The following SLC15A2 variants were observed in gnomAD, a reference collection of about 807,000 sequenced individuals.
SLC15A2 encodes the protein solute carrier family 15 member 2, also known as kidney H(+)/peptide cotransporter.
A neutral mutation model predicts 95.5 loss-of-function variants in SLC15A2; 77 were observed. The observed-to-expected ratio is 0.81, with a 90% CI of 0.67 to 0.97. The LOEUF (loss-of-function observed/expected upper bound fraction) is 0.97, where lower values mean the gene tolerates loss of function less well. SLC15A2 is among the 50% of genes least tolerant of loss of function. SLC15A2 has a pLI of 0.00. For synonymous variants in SLC15A2, 306 were observed against 306.9 expected (o/e 1.00, Z 0.03); for missense variants, 893 against 874.4 (o/e 1.02, Z -0.27).
intron 18 of SLC15A2, 123 bp from the exon 19 acceptor site, chr3:121,931,516 G>T: frequency 1.7e-6 from 1 of 581,686 alleles, no homozygotes; most frequent in Non-Finnish European, 3.1e-6. Context: ...TCTCTTCAAA[G>T]ATAATTAGTG....
chr3:121,930,770 A>G, intron 17 of SLC15A2, 70 bp from the exon 18 acceptor site: 1 of 977,468 alleles, frequency 1.0e-6, no homozygotes, highest in Non-Finnish European at 1.6e-6. Flanking sequence ...CCCAAAACAT[A>G]AAAGGCCCCT....
At chr3:121,908,451 C>T (rs1179579565) in intron 3 of SLC15A2, among the ~76,000 whole-genome samples, 1 of 152,182 alleles carries the variant, frequency 6.6e-6, no homozygotes, top group Non-Finnish European at 1.5e-5. Context: ...CAGAAATCAC[C>T]ATCTTCTGCA....
At chr3:121,896,374 C>G (rs768592267) in intron 1 of SLC15A2, 32 bp from the exon 2 acceptor site, 37 of 1,530,328 alleles carry the variant, frequency 2.4e-5, no homozygotes, top group East Asian at 4.5e-5. Context: ...AAAAACAGCT[C>G]ATGCTTGAAT....
intron 3 of SLC15A2, among the ~76,000 whole-genome samples, chr3:121,897,872 CT>C (rs1171916516): frequency 6.6e-6 from 1 of 152,126 alleles, no homozygotes; most frequent in Admixed American, 6.5e-5. Flanking sequence ...CAGCAAATTT[CT>C]AATTTTAGCC....
chr3:121,939,280 G>C, intron 19 of SLC15A2, 69 bp from the exon 20 acceptor site: 1 of 1,215,526 alleles, frequency 8.2e-7, no homozygotes, highest in South Asian at 2.2e-5. Flanking sequence ...TAAGATCGTA[G>C]AATGCTGTAG....
chr3:121,940,410 C>G lies in SLC15A2; in HGVS notation c.1935C>G (p.Leu645=). 6.2e-7 allele frequency: 1 copy of G among 1,614,018 alleles called. No individual in the cohort carries two copies. The highest frequency in any genetic ancestry group is 8.5e-7 in the Non-Finnish European group (1 of 1,179,974). ...CTCCCTCTAGCATGAAATCTGTGCT[C>G]CAGGCAGCTTGGCTATTGACAATTG... The part of the protein sequence containing the change: ...SQAPSSMKSV[L]QAAWLLTIAV... The change falls in exon 21 of 22, where the codon CTC becomes CTG. Residue 645 remains leucine, a synonymous_variant. Transcript: ENST00000489711.
At chr3:121,913,942 TC>T (rs1327467756) in intron 5 of SLC15A2, among the ~76,000 whole-genome samples, 2 of 147,516 alleles carry the variant, frequency 1.4e-5, no homozygotes, top group Admixed American at 6.7e-5. Flanking sequence ...TTTCTCTCTC[TC>T]CCCCCCACCT....
At chr3:121,895,795 G>A (rs1576665183) in intron 1 of SLC15A2, among the ~76,000 whole-genome samples, 1 of 152,320 alleles carries the variant, frequency 6.6e-6, no homozygotes, top group East Asian at 1.9e-4. Flanking sequence ...TTAGTAGGAA[G>A]AGTAGACATT....
At chr3:121,931,815 CA>C (rs1288957433) in intron 19 of SLC15A2, 80 bp downstream of exon 19, 1 of 805,144 alleles carries the variant, frequency 1.2e-6, no homozygotes, top group African/African-American at 1.7e-5. Context: ...GGGCAGAAAA[CA>C]AAAGAGAAGA....
At position 121,909,811 on chromosome 3, in the gene SLC15A2, A is replaced by AT. The variant is rs35943712; in HGVS notation, c.336-1752dup. 2.2e-3 allele frequency among the ~76,000 whole-genome samples: 324 copies of AT among 149,612 alleles called. 1 individual carries two copies. The highest frequency in any genetic ancestry group is 5.5e-3 in the South Asian group (26 of 4,716). ...ATAAACTTTCTTAAAACATTATTAGATTTTTTTTTTTAGCTCACCAATTAT... is the reference window on the plus strand; with the variant it reads ...ATAAACTTTCTTAAAACATTATTAGATTTTTTTTTTTTAGCTCACCAATTAT... On this transcript the variant is annotated intron_variant, in intron 3 of 21. Transcript: ENST00000489711.
chr3:121,904,410 G>A lies in SLC15A2; in HGVS notation c.335+6881G>A, dbSNP rs555960526. ...ATGTTGAATAGAAGTGGTGAGAGAG[G>A]GCATCCCTGTCTTGTACCAGTTTTC... On this transcript the variant is annotated intron_variant, in intron 3 of 21. Coordinates refer to ENST00000489711, the MANE Select transcript of SLC15A2 (RefSeq NM_021082.4). Among the ~76,000 whole-genome samples the A allele has an allele frequency of 7.0e-4, 106 of 152,208 alleles. 2 individuals carry two copies. In the South Asian group the frequency reaches 0.021, roughly 31 times the overall value.
At chr3:121,922,667 G>A (rs145439882) in intron 8 of SLC15A2, 108 bp from the exon 9 acceptor site, 127 of 670,140 alleles carry the variant, frequency 1.9e-4, no homozygotes, top group African/African-American at 1.8e-3. Flanking sequence ...TCAAAGAGTT[G>A]GAATAAGTCA....
chr3:121,934,112 A>G (rs1710288759), intron 19 of SLC15A2, among the ~76,000 whole-genome samples: 2 of 152,024 alleles, frequency 1.3e-5, no homozygotes, highest in Admixed American at 6.6e-5. Flanking sequence ...GTTCTGTTCC[A>G]TTGATCTATA....
chr3:121,923,257 T>C lies in SLC15A2; in HGVS notation c.993T>C (p.Asn331=). The change falls in exon 11 of 22, where the codon AAT becomes AAC. Residue 331 remains asparagine, a synonymous_variant. Coordinates refer to ENST00000489711, the MANE Select transcript of SLC15A2 (RefSeq NM_021082.4). ...SRWTLQAIRM[N]RNLGFFVLQP... Reference sequence around the variant, plus strand: ...GGACTTTGCAAGCCATCAGGATGAATAGGAATTTGGTGAGTAGAAGAGATT... The same window carrying C: ...GGACTTTGCAAGCCATCAGGATGAACAGGAATTTGGTGAGTAGAAGAGATT... The C allele has an allele frequency of 3.7e-6, 6 of 1,613,920 alleles. No homozygotes were observed. Among genetic ancestry groups the C allele is most frequent in the Non-Finnish European group, 4.2e-6 (5 of 1,179,826 alleles).
intron 19 of SLC15A2, among the ~76,000 whole-genome samples, chr3:121,938,721 G>A (rs1186507119): frequency 4.6e-5 from 7 of 152,064 alleles, no homozygotes; most frequent in East Asian, 1.9e-4. Context: ...GAAATCACCC[G>A]TCTTCTGCAT....
intron 3 of SLC15A2, among the ~76,000 whole-genome samples, chr3:121,910,527 C>T (rs1190951970): frequency 6.6e-6 from 1 of 152,164 alleles, no homozygotes; most frequent in African/African-American, 2.4e-5. Flanking sequence ...CCGCCATACA[C>T]TTTAAGTTCC....
intron 19 of SLC15A2, among the ~76,000 whole-genome samples, chr3:121,938,147 G>T (rs1252200908): frequency 6.6e-6 from 1 of 151,714 alleles, no homozygotes; most frequent in Non-Finnish European, 1.5e-5. Context: ...TGCATGCTGG[G>T]AGAACCACTG....
chr3:121,916,859 C>T (rs566256798), intron 7 of SLC15A2, among the ~76,000 whole-genome samples: 29 of 151,960 alleles, frequency 1.9e-4, no homozygotes, highest in African/African-American at 5.8e-4. Context: ...CTCGCTCTGT[C>T]GCCCAGGCTG....
chr3:121,902,844 G>A (rs1275188648), intron 3 of SLC15A2, among the ~76,000 whole-genome samples: 2 of 152,142 alleles, frequency 1.3e-5, no homozygotes, highest in East Asian at 3.8e-4. Flanking sequence ...CTTTATAGTA[G>A]CATGATTTAT....
Sources: allele counts gnomAD v4.1 joint callset (sites outside exome capture counted in the v4.1 genomes callset), GRCh38; gene constraint gnomAD v4.1.1; transcripts MANE v1.5; gene names NCBI Gene and HGNC (gene_info 2026-07-23, HGNC 2026-07-21).